The following FANK1 variants were observed in gnomAD, a reference collection of about 807,000 sequenced individuals.
FANK1 encodes the protein fibronectin type 3 and ankyrin repeat domains protein 1.
FANK1 carries 44 observed loss-of-function variants against 45.3 expected under a neutral mutation model. The observed-to-expected ratio is 0.97, with a 90% CI of 0.76 to 1.25. FANK1 has a LOEUF of 1.25. Ranked by LOEUF, FANK1 falls within the 50% of genes most tolerant of loss-of-function variation. The pLI, the probability that FANK1 is intolerant of heterozygous loss-of-function variation, is 0.00. For missense variants in FANK1, 391 were observed against 424.4 expected, an observed-to-expected ratio of 0.92 and a Z score of 0.69; for synonymous variants, 149 against 152.5, an observed-to-expected ratio of 0.98 and a Z score of 0.17.
chr10:125,929,841 C>G (rs951411107), intron 1 of FANK1, among the ~76,000 whole-genome samples: 5 of 152,134 alleles, frequency 3.3e-5, no homozygotes, highest in Non-Finnish European at 2.9e-5. Flanking sequence ...TTACCCTCTA[C>G]TTGAGGTACA....
At chr10:125,973,449 C>T (rs1950644842) in intron 1 of FANK1, 1 of 985,338 alleles carries the variant, frequency 1.0e-6, no homozygotes, top group East Asian at 1.1e-4. Flanking sequence ...ATTGTGACAT[C>T]ACCAGCCAGA....
rs60410875 is a variant in FANK1, at chr10:126,003,364, A to C, written c.540-1520A>C. 5.0e-3 allele frequency among the ~76,000 whole-genome samples: 756 copies of C among 152,106 alleles called. 8 individuals carry two copies. The highest frequency in any genetic ancestry group is 0.017 in the African/African-American group (690 of 41,496). On this transcript the variant is annotated intron_variant, in intron 6 of 10. Coordinates refer to ENST00000368693, the MANE Select transcript of FANK1 (RefSeq NM_145235.5). The stretch of plus-strand genomic sequence containing the variant: ...GATCACTTGAGGCCATGAGTTTGAA[A>C]TCAGCGTGGGCAATAAGGTGAAATT...
chr10:125,970,374 C>T (rs1590099190), intron 1 of FANK1, among the ~76,000 whole-genome samples: 1 of 152,132 alleles, frequency 6.6e-6, no homozygotes, highest in Admixed American at 6.5e-5. Flanking sequence ...GCGCTCCCCA[C>T]ATCCCAGACG....
chr10:126,004,271 T>G (rs190901235), intron 6 of FANK1: 2 of 152,290 alleles, frequency 1.3e-5, no homozygotes, highest in Admixed American at 1.3e-4. Context: ...TTTTTTTTCC[T>G]TTTTCTCTTT....
intron 1 of FANK1, among the ~76,000 whole-genome samples, chr10:125,974,694 A>T (rs927347012): frequency 6.6e-6 from 1 of 152,218 alleles, no homozygotes; most frequent in African/African-American, 2.4e-5. Context: ...TATAGAACAA[A>T]TTCATTTTTC....
At chr10:126,000,355 A>G (rs7097000) in intron 6 of FANK1, among the ~76,000 whole-genome samples, 197 of 152,328 alleles carry the variant, frequency 1.3e-3, no homozygotes, top group African/African-American at 4.5e-3. Flanking sequence ...AATGCCTCAT[A>G]ACGTTATAGT....
intron 1 of FANK1, among the ~76,000 whole-genome samples, chr10:125,970,293 C>T (rs1024030747): frequency 5.3e-5 from 8 of 151,392 alleles, no homozygotes; most frequent in Non-Finnish European, 7.4e-5. Flanking sequence ...GGGGGCGCCC[C>T]CTGCCTCCCA....
chr10:125,973,550 A>G, intron 1 of FANK1: 1 of 780,050 alleles, frequency 1.3e-6, no homozygotes, highest in Non-Finnish European at 1.6e-6. Context: ...AGTATCTAGA[A>G]CCCTGAAATT....
At position 125,961,274 on chromosome 10, in the gene FANK1, C is replaced by T. The variant is rs368893826; in HGVS notation, c.14-18887C>T. Among the ~76,000 whole-genome samples, 9 of 152,220 alleles carry T rather than the reference C, an allele frequency of 5.9e-5. No homozygotes were observed. In the East Asian group the frequency reaches 1.2e-3, roughly 20 times the overall value. On this transcript the variant is annotated intron_variant, in intron 1 of 10. Transcript: ENST00000368693. ...GGTACGTGCAACCATGCCTAGCTAA[C>T]TTTTAAAAATTTTCTGTGGAGACAG...
intron 6 of FANK1, among the ~76,000 whole-genome samples, chr10:125,999,454 A>G (rs1440826029): frequency 6.6e-6 from 1 of 152,162 alleles, no homozygotes; most frequent in African/African-American, 2.4e-5. Flanking sequence ...AGTGAAGGTT[A>G]CTTTCAGCCT....
At chr10:125,920,321 A>G (rs1946854963) in intron 1 of FANK1, among the ~76,000 whole-genome samples, 2 of 152,240 alleles carry the variant, frequency 1.3e-5, no homozygotes, top group Non-Finnish European at 2.9e-5. Flanking sequence ...CTGTGATTAT[A>G]ATACATTAGC....
rs373550249 is a variant in FANK1, at chr10:125,897,998, C to CAAAAAAAAA, written c.13+1371_13+1379dup. 7.1e-4 allele frequency among the ~76,000 whole-genome samples: 12 copies of CAAAAAAAAA among 16,796 alleles called. 4 individuals carry two copies. Among genetic ancestry groups the CAAAAAAAAA allele is most frequent in the African/African-American group, 1.4e-3 (6 of 4,138 alleles). The allele number at this position is 16,796 out of a possible 152,430, so 11.0% of individuals were successfully genotyped here. A position where few individuals can be genotyped will look rare whatever the true frequency, so the allele number is the denominator to read the frequency against. ...AGTGAAACCCATCTCTACTAAAATACAAAAAAAAAAAAAAAAAAAAAAAAA... is the reference window on the plus strand; with the variant it reads ...AGTGAAACCCATCTCTACTAAAATACAAAAAAAAAAAAAAAAAAAAAAAAAAAAAAAAAA... On this transcript the variant is annotated intron_variant, in intron 1 of 10. Transcript: ENST00000368693.
chr10:125,925,303 T>C (rs1947270073), intron 1 of FANK1, among the ~76,000 whole-genome samples: 1 of 152,296 alleles, frequency 6.6e-6, no homozygotes, highest in Non-Finnish European at 1.5e-5. Context: ...ATTTGAACTT[T>C]TATCAAAATG....
Position 125,906,904 on chromosome 10 carries a change from A to T in FANK1, c.13+10249A>T, listed in dbSNP as rs79468508. ...ATTCTCCCCTGCAGTTTCTCCAGTT[A>T]TCTAGAGAAGAGTGTGGCAAGGTAC... is the stretch of plus-strand genomic sequence containing the variant. On this transcript the variant is annotated intron_variant, in intron 1 of 10. Transcript: ENST00000368693. Among the ~76,000 whole-genome samples the T allele has an allele frequency of 3.1e-3, 470 of 152,316 alleles. 8 individuals carry two copies. In the East Asian group the frequency reaches 0.059, roughly 19 times the overall value.
At chr10:125,945,616 G>A (rs536071816) in intron 1 of FANK1, among the ~76,000 whole-genome samples, 13 of 152,288 alleles carry the variant, frequency 8.5e-5, no homozygotes, top group Admixed American at 2.6e-4. Context: ...ACGGAATCTC[G>A]CTGACTGCTA....
Position 125,980,212 on chromosome 10 carries a change from A to G in FANK1, c.65A>G (p.His22Arg), listed in dbSNP as rs1234581789. The G allele has an allele frequency of 3.8e-5, 61 of 1,614,014 alleles. No homozygotes were observed. Among genetic ancestry groups the G allele is most frequent in the Non-Finnish European group, 5.1e-5 (60 of 1,180,024 alleles). Residue 22 changes from histidine to arginine, a missense_variant, in exon 2 of 11, where the codon CAT becomes CGT. Physicochemically the swap from His to Arg is conservative, Grantham distance 29. Transcript: ENST00000368693. The part of the protein sequence containing the change: ...PHPPVVGKVT[H>R]HSIELYWDLE... ...CCACCTGTCGTGGGCAAAGTGACTC[A>G]TCACAGCATTGAATTATACTGGGAT...
chr10:125,943,986 C>G (rs751715566), intron 1 of FANK1, among the ~76,000 whole-genome samples: 3 of 152,190 alleles, frequency 2.0e-5, no homozygotes, highest in Admixed American at 1.3e-4. Flanking sequence ...CTAAAAGTCA[C>G]GTTTTTACGT....
In FANK1 at chr10:125,987,405, G is replaced by GA. The variant is rs748824356; in HGVS notation, c.192-1140dup. On this transcript the variant is annotated intron_variant, in intron 2 of 10. Coordinates refer to ENST00000368693, the MANE Select transcript of FANK1 (RefSeq NM_145235.5). ...GAATAAAAGTAAAAACTAGAGACAG[G>GA]AAAAAACAAAAGGAGGAAACAATGG... Among the ~76,000 whole-genome samples, 100 of 148,744 alleles carry GA rather than the reference G, an allele frequency of 6.7e-4. 1 individual carries two copies. In the Middle Eastern group the frequency reaches 0.017, roughly 25 times the overall value.
intron 1 of FANK1, among the ~76,000 whole-genome samples, chr10:125,941,064 C>CT (rs966657369): frequency 6.6e-6 from 1 of 152,200 alleles, no homozygotes; most frequent in African/African-American, 2.4e-5. Flanking sequence ...TCTGATCTCT[C>CT]TTTTCCCTAG....
Sources: gnomAD v4.1 joint callset for allele counts (sites outside exome capture counted in the v4.1 genomes callset) on GRCh38, gnomAD v4.1.1 for gene constraint, MANE v1.5 for transcripts, NCBI Gene and HGNC (gene_info 2026-07-23, HGNC 2026-07-21) for gene names.